Variants in MALRD1 observed in about 807,000 individuals in gnomAD.
MALRD1 encodes MAM and LDL-receptor class A domain-containing protein 1.
In MALRD1, 247 loss-of-function variants were observed where a neutral mutation model predicts 242.1. The observed-to-expected ratio is 1.02, with a 90% CI of 0.92 to 1.13. The LOEUF (loss-of-function observed/expected upper bound fraction) is 1.13. MALRD1 is among the 50% of genes most tolerant of loss of function. MALRD1 has a pLI of 0.00. For synonymous variants in MALRD1, 995 were observed against 866.6 expected (o/e 1.15, Z -2.60); for missense variants, 2,989 against 2,533.1 (o/e 1.18, Z -3.86).
intron 21 of MALRD1, among the ~76,000 whole-genome samples, chr10:19,312,231 C>A (rs1406465312): frequency 6.6e-6 from 1 of 151,240 alleles, no homozygotes; most frequent in Non-Finnish European, 1.5e-5. Context: ...AGAACTAGAA[C>A]AAACTTATCT....
At chr10:19,213,790 G>A (rs1837179184) in intron 18 of MALRD1, among the ~76,000 whole-genome samples, 1 of 152,050 alleles carries the variant, frequency 6.6e-6, no homozygotes, top group African/African-American at 2.4e-5. Flanking sequence ...AAATATTCTT[G>A]ATCTTTGTGT....
chr10:19,547,621 A>G (rs12761505), intron 32 of MALRD1, among the ~76,000 whole-genome samples: 4 of 150,300 alleles, frequency 2.7e-5, no homozygotes, highest in African/African-American at 9.8e-5. Flanking sequence ...CCTTTTTTCC[A>G]CCATAAGATA....
chr10:19,204,009 TAC>T, intron 15 of MALRD1, 129 bp downstream of exon 15: 2 of 1,160,732 alleles, frequency 1.7e-6, no homozygotes. Context: ...TATTGTCAAT[TAC>T]AGTTATGCTG....
In MALRD1 at chr10:19,271,588, C is replaced by A. The variant is rs376598705; in HGVS notation, c.3080-8459C>A. On this transcript the variant is annotated intron_variant, in intron 19 of 39. Coordinates refer to ENST00000454679, the MANE Select transcript of MALRD1 (RefSeq NM_001142308.3). ...ACCATCCTGGCTAACACGGTGAAAC[C>A]CCGTCTCTACCAAAAACACAAAAAA... Among the ~76,000 whole-genome samples, 3 of 152,152 alleles carry A rather than the reference C, an allele frequency of 2.0e-5. No homozygotes were observed. In the East Asian group the frequency reaches 5.8e-4, roughly 29 times the overall value.
intron 31 of MALRD1, among the ~76,000 whole-genome samples, chr10:19,506,619 C>G (rs1272500190): frequency 1.3e-5 from 2 of 151,726 alleles, no homozygotes; most frequent in Non-Finnish European, 2.9e-5. Context: ...TGTATATATT[C>G]TAATTCAAAT....
intron 28 of MALRD1, among the ~76,000 whole-genome samples, chr10:19,400,187 T>TC (rs1406554693): frequency 2.0e-5 from 3 of 152,214 alleles, no homozygotes; most frequent in Non-Finnish European, 4.4e-5. Flanking sequence ...TGGCATGGAT[T>TC]CTTTCTATCA....
intron 36 of MALRD1, among the ~76,000 whole-genome samples, chr10:19,626,678 TG>T (rs1054658688): frequency 7.5e-4 from 113 of 150,842 alleles, no homozygotes; most frequent in African/African-American, 2.7e-3. Flanking sequence ...ACATAAAGAG[TG>T]CTGAAAAGCA....
At chr10:19,332,541 T>C (rs1345329395) in intron 24 of MALRD1, among the ~76,000 whole-genome samples, 1 of 152,222 alleles carries the variant, frequency 6.6e-6, no homozygotes, top group Non-Finnish European at 1.5e-5. Context: ...GTGAGTTGTA[T>C]ATAAATTGTC....
chr10:19,366,545 G>C (rs1321496749), intron 26 of MALRD1, among the ~76,000 whole-genome samples: 1 of 152,096 alleles, frequency 6.6e-6, no homozygotes, highest in East Asian at 1.9e-4. Context: ...TAGCATGTCT[G>C]ACTCCTTTAT....
chr10:19,229,744 C>T (rs1338145242), intron 18 of MALRD1, among the ~76,000 whole-genome samples: 1 of 152,146 alleles, frequency 6.6e-6, no homozygotes, highest in Non-Finnish European at 1.5e-5. Flanking sequence ...TGCATTGTAG[C>T]ACTAAACTTT....
At chr10:19,665,009 C>A (rs1841614103) in intron 36 of MALRD1, among the ~76,000 whole-genome samples, 1 of 152,026 alleles carries the variant, frequency 6.6e-6, no homozygotes. Context: ...TATTTATAAC[C>A]TTTGTAAGAG....
intron 28 of MALRD1, among the ~76,000 whole-genome samples, chr10:19,405,132 C>T (rs1261908605): frequency 1.4e-4 from 22 of 152,046 alleles, no homozygotes; most frequent in Admixed American, 1.4e-3. Context: ...ATACACGTTA[C>T]CTCAACTTTC....
intron 21 of MALRD1, among the ~76,000 whole-genome samples, chr10:19,313,171 C>T (rs1475018398): frequency 6.6e-6 from 1 of 151,454 alleles, no homozygotes; most frequent in Non-Finnish European, 1.5e-5. Context: ...CAAATCCTGG[C>T]TTCAGCACTC....
chr10:19,420,235 G>T (rs1265080026), intron 28 of MALRD1, among the ~76,000 whole-genome samples: 1 of 150,284 alleles, frequency 6.7e-6, no homozygotes, highest in African/African-American at 2.5e-5. Flanking sequence ...GGGGTGAGTG[G>T]TTTGGCAGGA....
At chr10:19,159,400 G>T (rs1361713710) in intron 12 of MALRD1, among the ~76,000 whole-genome samples, 1 of 151,492 alleles carries the variant, frequency 6.6e-6, no homozygotes, top group Admixed American at 6.6e-5. Flanking sequence ...TCGTATTCTA[G>T]ATCTTATAAA....
intron 36 of MALRD1, among the ~76,000 whole-genome samples, chr10:19,669,492 G>A (rs1841818037): frequency 6.6e-6 from 1 of 152,084 alleles, no homozygotes; most frequent in South Asian, 2.1e-4. Flanking sequence ...TGGAGCAAAG[G>A]GACAGGGAGT....
intron 31 of MALRD1, among the ~76,000 whole-genome samples, chr10:19,504,663 CATT>C (rs1160819357): frequency 0.017 from 2,244 of 128,566 alleles, 61 homozygotes; most frequent in Middle Eastern, 0.036. Context: ...TATTGTAACA[CATT>C]TTTTTTTTTT....
At chr10:19,373,218 A>AAAT (rs1250176283) in intron 26 of MALRD1, among the ~76,000 whole-genome samples, 1 of 141,668 alleles carries the variant, frequency 7.1e-6, no homozygotes, top group South Asian at 2.2e-4. Context: ...AAAAAAAAAA[A>AAAT]AATAAGGGGC....
intron 2 of MALRD1, among the ~76,000 whole-genome samples, chr10:19,068,370 C>A (rs1402091822): frequency 6.6e-6 from 1 of 151,836 alleles, no homozygotes; most frequent in Admixed American, 6.6e-5. Context: ...GCAATTCACA[C>A]CAAAACTGAG....
Sources: gnomAD v4.1 joint callset for allele counts (sites outside exome capture counted in the v4.1 genomes callset) on GRCh38, gnomAD v4.1.1 for gene constraint, MANE v1.5 for transcripts, NCBI Gene and HGNC (gene_info 2026-07-23, HGNC 2026-07-21) for gene names.